PLEKHS1: variants seen among roughly 807,000 people sequenced by gnomAD.
The protein encoded by PLEKHS1 is pleckstrin homology domain-containing family S member 1.
In PLEKHS1, 55 loss-of-function variants were observed where a neutral mutation model predicts 51.0. That is an observed-to-expected ratio of 1.08 (90% confidence interval 0.87 to 1.35). The LOEUF (loss-of-function observed/expected upper bound fraction) is 1.35. PLEKHS1 is among the 40% of genes most tolerant of loss of function. The probability of loss-of-function intolerance (pLI) is 0.00; values close to 1 mark genes in which losing one functional copy is unlikely to be tolerated. For synonymous variants in PLEKHS1, 153 were observed against 144.8 expected, an observed-to-expected ratio of 1.06 and a Z score of -0.41; for missense variants, 398 against 423.0, an observed-to-expected ratio of 0.94 and a Z score of 0.52.
In PLEKHS1 at chr10:113,774,825, G is replaced by GT; in HGVS notation, c.785dup (p.Lys263GlnfsTer6). 1.2e-6 allele frequency: 2 copies of GT among 1,613,196 alleles called. No individual in the cohort carries two copies. Among genetic ancestry groups the GT allele is most frequent in the Non-Finnish European group, 8.5e-7 (1 of 1,179,298 alleles). ...GCTTGTTTTAACTTCTTATGCTCTA[G>GT]TTTTTTCAAAGAGACATCCCATGAG... On this transcript the variant is annotated frameshift_variant and splice_region_variant. Coordinates refer to ENST00000361048, the Ensembl canonical transcript of PLEKHS1. LOFTEE classifies it high-confidence loss of function.
intron 2 of PLEKHS1, among the ~76,000 whole-genome samples, chr10:113,763,055 A>G (rs1207819241): frequency 6.6e-6 from 1 of 152,116 alleles, no homozygotes; most frequent in Non-Finnish European, 1.5e-5. Context: ...TGAAATCTCT[A>G]TAATTGCGGA....
At chr10:113,754,839 C>T (rs1199617424) in intron 1 of PLEKHS1, among the ~76,000 whole-genome samples, 1 of 152,206 alleles carries the variant, frequency 6.6e-6, no homozygotes, top group East Asian at 1.9e-4. Context: ...TGGAGAAAGG[C>T]TTATCTTGGG....
chr10:113,781,580 C>A, exon 12 of PLEKHS1: 1 of 110,494 alleles, frequency 9.1e-6, no homozygotes, highest in Non-Finnish European at 1.9e-5. Context: ...CCAAACACCT[C>A]CTTCCCAAAC....
exon 8 of PLEKHS1, chr10:113,772,021 T>C: frequency 6.2e-7 from 1 of 1,613,904 alleles, no homozygotes; most frequent in Non-Finnish European, 8.5e-7. Flanking sequence ...CCTACAAGAT[T>C]TATCAGAAGC....
chr10:113,774,366 T>G (rs776029607), intron 9 of PLEKHS1, 33 bp downstream of exon 9: 3 of 1,231,774 alleles, frequency 2.4e-6, no homozygotes, highest in Non-Finnish European at 3.5e-6. Flanking sequence ...AATTTGATGT[T>G]TGCTCATCTG....
intron 2 of PLEKHS1, among the ~76,000 whole-genome samples, chr10:113,756,309 T>A (rs1416303960): frequency 1.3e-5 from 2 of 151,940 alleles, no homozygotes; most frequent in African/African-American, 4.8e-5. Context: ...CTATTAAAAA[T>A]ACAAAAATTT....
chr10:113,765,152 T>C (rs1844103999), intron 2 of PLEKHS1: 1 of 425,494 alleles, frequency 2.4e-6, no homozygotes. Context: ...TTTACCTTGT[T>C]GTTTCCTGAA....
rs563548736 is a variant in PLEKHS1 at position 113,773,686 on chromosome 10, G to A, written c.673-541G>A. 6.6e-5 allele frequency among the ~76,000 whole-genome samples: 10 copies of A among 152,276 alleles called. No individual in the cohort carries two copies. The South Asian group carries it at 2.1e-3, about 32-fold the overall frequency. ...AAGGTTTCCATCATGGGTTAACGGT[G>A]AACTTAGGTAGGCCTTAGGGTTTTT... On this transcript the variant is annotated intron_variant, in intron 8 of 11. Coordinates refer to ENST00000361048, the Ensembl canonical transcript of PLEKHS1.
intron 6 of PLEKHS1, 55 bp downstream of exon 6, chr10:113,768,945 A>G: frequency 7.4e-7 from 1 of 1,346,422 alleles, no homozygotes; most frequent in Non-Finnish European, 1.0e-6. Context: ...CCCTCTTTCA[A>G]TAGAAAACAA....
intron 11 of PLEKHS1, among the ~76,000 whole-genome samples, chr10:113,778,534 TC>T (rs1181235497): frequency 6.6e-6 from 1 of 152,160 alleles, no homozygotes; most frequent in Non-Finnish European, 1.5e-5. Context: ...AATTGTGCCA[TC>T]CCTATTACTC....
chr10:113,764,422 T>G (rs1027922855), intron 2 of PLEKHS1, among the ~76,000 whole-genome samples: 1 of 152,218 alleles, frequency 6.6e-6, no homozygotes, highest in Non-Finnish European at 1.5e-5. Flanking sequence ...TTTTACTTTT[T>G]CTTGCTTGCA....
intron 2 of PLEKHS1, among the ~76,000 whole-genome samples, chr10:113,765,899 A>G (rs1464164628): frequency 6.6e-6 from 1 of 152,248 alleles, no homozygotes; most frequent in Admixed American, 6.5e-5. Flanking sequence ...TTGGTAATAC[A>G]GTATTTGGTA....
At chr10:113,751,715 G>C (rs1853850099) in exon 1 of PLEKHS1, 1 of 152,238 alleles carries the variant, frequency 6.6e-6, no homozygotes, top group Non-Finnish European at 1.5e-5. Flanking sequence ...GAATCCTCGG[G>C]ACAAGGCACT....
At chr10:113,762,365 CTTTTT>C (rs34457408) in intron 2 of PLEKHS1, among the ~76,000 whole-genome samples, 2 of 61,770 alleles carry the variant, frequency 3.2e-5, no homozygotes, top group Non-Finnish European at 6.0e-5. Context: ...AGATTTGTTC[CTTTTT>C]TTTTTTTTTT....
chr10:113,764,572 T>C (rs2134507982), intron 2 of PLEKHS1, among the ~76,000 whole-genome samples: 1 of 152,330 alleles, frequency 6.6e-6, no homozygotes, highest in African/African-American at 2.4e-5. Flanking sequence ...CATGCCTTGG[T>C]GTACTTTTCT....
chr10:113,773,655 G>A (rs996390653), intron 8 of PLEKHS1, among the ~76,000 whole-genome samples: 1 of 152,266 alleles, frequency 6.6e-6, no homozygotes, highest in African/African-American at 2.4e-5. Flanking sequence ...TGGCTTGACT[G>A]GAAGGAAGGT....
exon 12 of PLEKHS1, chr10:113,780,998 G>C (rs1482538424): frequency 5.4e-6 from 3 of 559,400 alleles, no homozygotes; most frequent in African/African-American, 1.9e-5. Context: ...GAATTGGAAG[G>C]CCTTATTATC....
At chr10:113,773,456 A>AT (rs1844508755) in intron 8 of PLEKHS1, among the ~76,000 whole-genome samples, 1 of 152,200 alleles carries the variant, frequency 6.6e-6, no homozygotes, top group Non-Finnish European at 1.5e-5. Flanking sequence ...AAGTAAAAAA[A>AT]CTATGCAATG....
At chr10:113,761,885 G>A (rs939969159) in intron 2 of PLEKHS1, among the ~76,000 whole-genome samples, 10 of 151,892 alleles carry the variant, frequency 6.6e-5, no homozygotes, top group African/African-American at 2.4e-4. Context: ...TTTTTGGGAG[G>A]CTTTGTGTAG....
Sources: allele counts gnomAD v4.1 joint callset (sites outside exome capture counted in the v4.1 genomes callset), GRCh38; gene constraint gnomAD v4.1.1; transcripts MANE v1.5; gene names NCBI Gene and HGNC (gene_info 2026-07-23, HGNC 2026-07-21).